Variants in TP63 observed in about 807,000 individuals in gnomAD.
TP63 encodes the protein tumor protein p63.
A neutral mutation model predicts 82.8 loss-of-function variants in TP63; 17 were observed. The observed-to-expected ratio is 0.21, with a 90% CI of 0.14 to 0.31. TP63 has a LOEUF of 0.31. Ranked by LOEUF, TP63 falls within the 10% of genes least tolerant of loss-of-function variation. The pLI is 1.00. For missense variants in TP63, 648 were observed against 895.3 expected (o/e 0.72, Z 3.52); for synonymous variants, 330 against 321.7 (o/e 1.03, Z -0.28).
intron 3 of TP63, among the ~76,000 whole-genome samples, chr3:189,777,845 CTTTTTTTTT>C (rs55731981): frequency 5.3e-5 from 2 of 37,768 alleles, no homozygotes; most frequent in African/African-American, 1.2e-4. Flanking sequence ...TCTTCTTCTT[CTTTTTTTTT>C]TTTTTTTTTT....
At chr3:189,828,436 A>C (rs984290025) in intron 4 of TP63, among the ~76,000 whole-genome samples, 1 of 152,198 alleles carries the variant, frequency 6.6e-6, no homozygotes, top group South Asian at 2.1e-4. Flanking sequence ...GGTACTTCTT[A>C]TAAGGACTGT....
chr3:189,649,860 G>A (rs9816523), intron 1 of TP63, among the ~76,000 whole-genome samples: 124,461 of 146,022 alleles, frequency 0.85, 56,290 homozygotes, highest in East Asian at 1. Context: ...AGCAACTGAT[G>A]AGGAACAGGG....
intron 1 of TP63, among the ~76,000 whole-genome samples, chr3:189,646,174 TTTAAAAAC>T (rs1712410330): frequency 6.8e-6 from 1 of 147,172 alleles, no homozygotes; most frequent in Non-Finnish European, 1.5e-5. Flanking sequence ...TACTATTGAA[TTTAAAAAC>T]TTGAAGTTGT....
chr3:189,614,336 C>T, the TP63 span, among the ~76,000 whole-genome samples: 1 of 152,180 alleles, frequency 6.6e-6, no homozygotes, highest in South Asian at 2.1e-4. Flanking sequence ...CTTGCTGCCA[C>T]CATGTAAGAA....
chr3:189,865,917 G>T (rs759755849), intron 5 of TP63, among the ~76,000 whole-genome samples: 1 of 152,126 alleles, frequency 6.6e-6, no homozygotes, highest in Non-Finnish European at 1.5e-5. Flanking sequence ...CATAATAGAT[G>T]ATGCAGCAGA....
At chr3:189,890,278 C>T (rs142526070) in intron 12 of TP63, among the ~76,000 whole-genome samples, 2,196 of 152,120 alleles carry the variant, frequency 0.014, 22 homozygotes, top group Non-Finnish European at 0.026. Flanking sequence ...CAGACCAGCA[C>T]CAAAAGGAAG....
intron 1 of TP63, among the ~76,000 whole-genome samples, chr3:189,670,983 A>G (rs1234246698): frequency 3.3e-5 from 5 of 152,100 alleles, no homozygotes; most frequent in Admixed American, 6.6e-5. Context: ...CAAAGATTTC[A>G]TAGGTGAGAC....
chr3:189,607,739 C>T, the TP63 span, among the ~76,000 whole-genome samples: 2 of 151,794 alleles, frequency 1.3e-5, no homozygotes, highest in African/African-American at 4.8e-5. Context: ...TACTTTTAAG[C>T]CAAACCCAGG....
At chr3:189,743,158 GA>G (rs1721125494) in intron 3 of TP63, among the ~76,000 whole-genome samples, 1 of 151,960 alleles carries the variant, frequency 6.6e-6, no homozygotes, top group South Asian at 2.1e-4. Flanking sequence ...TCCCCAATTG[GA>G]AAAAGATATA....
At chr3:189,880,909 A>T (rs901402969) in intron 10 of TP63, 1 of 985,262 alleles carries the variant, frequency 1.0e-6, no homozygotes, top group Admixed American at 6.2e-5. Flanking sequence ...TTTCTTGTAC[A>T]TGAAACCCTG....
intron 3 of TP63, among the ~76,000 whole-genome samples, chr3:189,785,057 T>G (rs1044162702): frequency 7.2e-5 from 11 of 152,160 alleles, no homozygotes; most frequent in African/African-American, 2.4e-4. Flanking sequence ...CCAACCTTTT[T>G]TGACTATTAC....
chr3:189,678,255 A>C (rs1025202791), intron 1 of TP63, among the ~76,000 whole-genome samples: 12 of 152,026 alleles, frequency 7.9e-5, no homozygotes, highest in Non-Finnish European at 4.4e-5. Context: ...ATCCATCTTG[A>C]GTTAATTTTT....
intron 4 of TP63, among the ~76,000 whole-genome samples, chr3:189,814,990 C>A (rs750756241): frequency 8.8e-6 from 1 of 114,176 alleles, no homozygotes; most frequent in African/African-American, 4.1e-5. Flanking sequence ...GCTTATATTT[C>A]TTTTCCTACT....
Position 189,896,306 on chromosome 3 carries a change from G to T in TP63, c.*1804G>T, listed in dbSNP as rs1404056629. ...TTGATTATTTTTTTTTTCTTCTTGG[G>T]ATAGTGGGATTTCCAGAACCACACT... is the stretch of plus-strand genomic sequence containing the variant. On this transcript the variant is annotated 3_prime_UTR_variant, in exon 14 of 14. Coordinates refer to ENST00000264731, the MANE Select transcript of TP63 (RefSeq NM_003722.5). 1 of 214,326 alleles carries T rather than the reference G, an allele frequency of 4.7e-6. No individual in the cohort carries two copies. Among genetic ancestry groups the T allele is most frequent in the African/African-American group, 2.3e-5 (1 of 44,164 alleles). 13.3% of individuals were successfully genotyped at this position (214,326 alleles called of 1,614,324 possible).
rs181382448 is a variant in TP63, at chr3:189,683,375, T to C, written c.62+51798T>C. 1.5e-3 allele frequency among the ~76,000 whole-genome samples: 234 copies of C among 152,318 alleles called. 1 individual carries two copies. Among genetic ancestry groups the C allele is most frequent in the Non-Finnish European group, 2.7e-3 (183 of 68,030 alleles). Reference sequence around the variant, plus strand: ...ATGTCAGTATGTGGCAGAGCTAAAATAAAGCCACATGCATTTCACTTTGCT... The same window carrying C: ...ATGTCAGTATGTGGCAGAGCTAAAACAAAGCCACATGCATTTCACTTTGCT... On this transcript the variant is annotated intron_variant, in intron 1 of 13. Coordinates refer to ENST00000264731, the MANE Select transcript of TP63 (RefSeq NM_003722.5).
intron 4 of TP63, among the ~76,000 whole-genome samples, chr3:189,826,063 A>C (rs746864053): frequency 9.8e-5 from 15 of 152,358 alleles, no homozygotes; most frequent in Non-Finnish European, 1.9e-4. Context: ...AAAAATATTA[A>C]GGACATTTAA....
intron 3 of TP63, among the ~76,000 whole-genome samples, chr3:189,779,587 C>T (rs904298752): frequency 6.6e-6 from 1 of 152,308 alleles, no homozygotes; most frequent in Admixed American, 6.5e-5. Flanking sequence ...GGAATTCCTG[C>T]ACAATGTTCA....
intron 1 of TP63, among the ~76,000 whole-genome samples, chr3:189,711,532 G>A (rs947985074): frequency 6.6e-6 from 1 of 152,114 alleles, no homozygotes; most frequent in African/African-American, 2.4e-5. Flanking sequence ...CTGGAGGATT[G>A]GAGACATTTC....
chr3:189,828,583 T>G (rs1297741634), intron 4 of TP63, among the ~76,000 whole-genome samples: 1 of 152,208 alleles, frequency 6.6e-6, no homozygotes, highest in African/African-American at 2.4e-5. Context: ...ATACCTGTAA[T>G]TGGTCAGACA....
Sources: allele counts gnomAD v4.1 joint callset (sites outside exome capture counted in the v4.1 genomes callset), GRCh38; gene constraint gnomAD v4.1.1; transcripts MANE v1.5; gene names NCBI Gene and HGNC (gene_info 2026-07-23, HGNC 2026-07-21).